REEP1: variants seen among roughly 807,000 people sequenced by gnomAD.
REEP1 encodes receptor accessory protein 1.
In REEP1, 22 loss-of-function variants were observed where a neutral mutation model predicts 40.3. The ratio of observed to expected loss-of-function variants is 0.55; its 90% CI spans 0.39 to 0.78. REEP1 has a LOEUF of 0.78. Among genes scored for constraint, REEP1 ranks in the 30% least tolerant of loss-of-function variants. The pLI, the probability that REEP1 is intolerant of heterozygous loss-of-function variation, is 0.00. For synonymous variants in REEP1, 116 were observed against 139.2 expected, an observed-to-expected ratio of 0.83 and a Z score of 1.17; for missense variants, 280 against 361.1, an observed-to-expected ratio of 0.78 and a Z score of 1.82.
intron 1 of REEP1, among the ~76,000 whole-genome samples, chr2:86,327,892 C>T (rs1039726853): frequency 1.4e-4 from 21 of 151,988 alleles, no homozygotes; most frequent in Non-Finnish European, 2.6e-4. Flanking sequence ...ATGAGATCAC[C>T]GGAGGGACAG....
At chr2:86,278,628 A>T (rs985478932) in intron 2 of REEP1, among the ~76,000 whole-genome samples, 3 of 152,162 alleles carry the variant, frequency 2.0e-5, no homozygotes, top group African/African-American at 7.2e-5. Context: ...AAATTGGGAG[A>T]CATCTCCCAA....
rs905064024 is a variant in REEP1 at position 86,215,628 on chromosome 2, T to C, written c.*1411A>G. On this transcript the variant is annotated 3_prime_UTR_variant, in exon 9 of 9. Transcript: ENST00000538924. ...TCGAAGCACAAATATATTATTCTTA[T>C]ATTTCGGCTCAGCTCTCAGTGGGGA... The C allele has an allele frequency of 6.6e-6, 1 of 152,662 alleles. No individual in the cohort carries two copies. The highest frequency in any genetic ancestry group is 1.5e-5 in the Non-Finnish European group (1 of 68,042). The allele number at this position is 152,662 out of a possible 1,614,324, so 9.5% of individuals were successfully genotyped here.
At chr2:86,291,217 C>T (rs945496663) in intron 1 of REEP1, among the ~76,000 whole-genome samples, 2 of 152,168 alleles carry the variant, frequency 1.3e-5, no homozygotes, top group Admixed American at 1.3e-4. Context: ...CAGCTGGTCT[C>T]TGAATGAATG....
chr2:86,241,433 C>T (rs1193734552), intron 5 of REEP1, among the ~76,000 whole-genome samples: 1 of 152,132 alleles, frequency 6.6e-6, no homozygotes, highest in Non-Finnish European at 1.5e-5. Context: ...TAAGTGTTTC[C>T]CAGCCTCACC....
intron 3 of REEP1, among the ~76,000 whole-genome samples, chr2:86,259,043 C>T (rs1446541792): frequency 6.6e-6 from 1 of 152,184 alleles, no homozygotes; most frequent in Non-Finnish European, 1.5e-5. Flanking sequence ...CACGGTGGCT[C>T]ATGCCTGTAA....
Position 86,232,709 on chromosome 2 carries a change from G to A in REEP1, c.511C>T (p.Pro171Ser), listed in dbSNP as rs1435697390. The A allele has an allele frequency of 6.2e-7, 1 of 1,610,824 alleles. No individual in the cohort carries two copies. Among genetic ancestry groups the A allele is most frequent in the Non-Finnish European group, 8.5e-7 (1 of 1,179,986 alleles). The change falls in exon 6 of 9, where the codon CCA (proline) becomes TCA (serine). Residue 171 changes from proline to serine, a missense_variant. Transcript: ENST00000538924. ...CTGGCCCGCCCAGACCCCGGTGGTG[G>A]GGGGCCCGAGGGAGCAGGGGCGCCG... ...GDGAPAPSGP[P>S]PPGSGRASGK...
intron 5 of REEP1, among the ~76,000 whole-genome samples, chr2:86,250,508 T>G (rs769771773): frequency 2.0e-5 from 3 of 152,206 alleles, no homozygotes; most frequent in Non-Finnish European, 4.4e-5. Flanking sequence ...TTGCTGTTCA[T>G]AAATCCTGAT....
intron 4 of REEP1, among the ~76,000 whole-genome samples, 170 bp downstream of exon 4, chr2:86,254,499 ATCTTTTAGAGAACTTCACCACTATT>A (rs1676442242): frequency 6.6e-6 from 1 of 152,202 alleles, no homozygotes; most frequent in Admixed American, 6.5e-5. Context: ...GACAAATAAC[ATCTTTTAGAGAACTTCACCACTATT>A]TCTAAACACG....
chr2:86,242,275 T>C (rs2104138161), intron 5 of REEP1, among the ~76,000 whole-genome samples: 1 of 152,332 alleles, frequency 6.6e-6, no homozygotes, highest in East Asian at 1.9e-4. Flanking sequence ...TTAAACCTGG[T>C]CTGCTTATCT....
At chr2:86,329,512 G>A (rs898550464) in intron 1 of REEP1, among the ~76,000 whole-genome samples, 7 of 152,134 alleles carry the variant, frequency 4.6e-5, no homozygotes, top group Non-Finnish European at 8.8e-5. Flanking sequence ...AAGCATGAAT[G>A]ACAGTCTAGC....
chr2:86,284,421 T>C (rs1005223460), intron 1 of REEP1, among the ~76,000 whole-genome samples: 2 of 152,066 alleles, frequency 1.3e-5, no homozygotes, highest in African/African-American at 4.8e-5. Context: ...CAGGAAGGGC[T>C]CAGTAAGTAC....
intron 1 of REEP1, among the ~76,000 whole-genome samples, chr2:86,315,918 G>A (rs916994872): frequency 6.6e-6 from 1 of 152,182 alleles, no homozygotes; most frequent in Admixed American, 6.5e-5. Context: ...AGGGACTTCA[G>A]AGGAAAAGCT....
At chr2:86,296,873 T>A (rs933551227) in intron 1 of REEP1, among the ~76,000 whole-genome samples, 5 of 152,068 alleles carry the variant, frequency 3.3e-5, no homozygotes, top group Non-Finnish European at 7.4e-5. Context: ...AGAAAAAAAA[T>A]TAGATTGTCT....
chr2:86,225,096 G>A (rs1349657931), intron 7 of REEP1, among the ~76,000 whole-genome samples: 1 of 152,206 alleles, frequency 6.6e-6, no homozygotes, highest in Admixed American at 6.5e-5. Context: ...CCAGGCCAGC[G>A]TCTAGTGCCC....
intron 5 of REEP1, among the ~76,000 whole-genome samples, chr2:86,237,816 A>C (rs759703721): frequency 4.6e-5 from 7 of 152,220 alleles, no homozygotes; most frequent in African/African-American, 4.8e-5. Context: ...CACCGTGCCC[A>C]GCTGTGTTCC....
intron 1 of REEP1, among the ~76,000 whole-genome samples, chr2:86,305,210 C>G (rs373467941): frequency 2.0e-5 from 3 of 152,176 alleles, no homozygotes; most frequent in African/African-American, 7.2e-5. Context: ...TCTTAACAGT[C>G]CAGGAGCTGG....
intron 2 of REEP1, 121 bp downstream of exon 2, chr2:86,282,049 A>G: frequency 1.3e-6 from 1 of 752,594 alleles, no homozygotes. Context: ...GAGAACTGTG[A>G]TGAAGGAACT....
chr2:86,280,550 G>A (rs1678022861), intron 2 of REEP1, among the ~76,000 whole-genome samples: 1 of 152,220 alleles, frequency 6.6e-6, no homozygotes, highest in Non-Finnish European at 1.5e-5. Context: ...AAAGGGTTGG[G>A]AGAGGGAGGG....
intron 5 of REEP1, among the ~76,000 whole-genome samples, chr2:86,244,283 G>A (rs1318193700): frequency 1.3e-5 from 2 of 151,810 alleles, no homozygotes; most frequent in African/African-American, 4.8e-5. Flanking sequence ...GAGCACTGAT[G>A]GATAAAAGAT....
Sources: gnomAD v4.1 joint callset for allele counts (sites outside exome capture counted in the v4.1 genomes callset) on GRCh38, gnomAD v4.1.1 for gene constraint, MANE v1.5 for transcripts, NCBI Gene and HGNC (gene_info 2026-07-23, HGNC 2026-07-21) for gene names.